LIN7C: variants seen among roughly 807,000 people sequenced by gnomAD.
LIN7C encodes the protein lin-7 cell polarity scaffold C.
Under a neutral mutation model 24.7 loss-of-function variants are expected in LIN7C, and 17 were observed. The observed-to-expected ratio is 0.69, with a 90% confidence interval of 0.47 to 1.03. The LOEUF is 1.03. Ranked by LOEUF, LIN7C falls within the 50% of genes least tolerant of loss-of-function variation. The probability of loss-of-function intolerance (pLI) is 0.00; values close to 1 mark genes in which losing one functional copy is unlikely to be tolerated. For missense variants in LIN7C, 204 were observed against 239.0 expected (o/e 0.85, Z 0.97); for synonymous variants, 90 against 83.4 (o/e 1.08, Z -0.43).
At chr11:27,501,457 A>G in intron 3 of LIN7C, 38 bp downstream of exon 3, 1 of 1,262,786 alleles carries the variant, frequency 7.9e-7, no homozygotes, top group Non-Finnish European at 1.1e-6. Context: ...CTTCTAATTT[A>G]TGAAGAATTC....
In LIN7C at chr11:27,497,380, A is replaced by T. The variant is rs559396871; in HGVS notation, c.*1269T>A. 6 of 152,684 alleles carry T rather than the reference A, an allele frequency of 3.9e-5. No individual in the cohort carries two copies. In the South Asian group the frequency reaches 1.2e-3, roughly 32 times the overall value. 9.5% of individuals were successfully genotyped at this position (152,684 alleles called of 1,614,324 possible). The stretch of plus-strand genomic sequence containing the variant: ...AATGTTCCTGTAAGTTGTAACAGAA[A>T]ATGAACCCCAACTCTTTCAGTCTTT... On this transcript the variant is annotated 3_prime_UTR_variant, in exon 5 of 5. Transcript: ENST00000278193.
rs955892689 is a variant in LIN7C at position 27,497,344 on chromosome 11, C to T, written c.*1305G>A. The T allele has an allele frequency of 6.6e-6, 1 of 152,482 alleles. No individual in the cohort carries two copies. The highest frequency in any genetic ancestry group is 1.5e-5 in the Non-Finnish European group (1 of 67,942). The allele number at this position is 152,482 out of a possible 1,614,324, so 9.4% of individuals were successfully genotyped here. A position where few individuals can be genotyped will look rare whatever the true frequency, so the allele number is the denominator to read the frequency against. On this transcript the variant is annotated 3_prime_UTR_variant, in exon 5 of 5. Coordinates refer to ENST00000278193, the MANE Select transcript of LIN7C (RefSeq NM_018362.4). Reference sequence around the variant, plus strand: ...TCTAACATTTGTCACTTAAATTTTTCTTAAAGTACAAATGTTCCTGTAAGT... The same window carrying T: ...TCTAACATTTGTCACTTAAATTTTTTTTAAAGTACAAATGTTCCTGTAAGT...
intron 3 of LIN7C, among the ~76,000 whole-genome samples, chr11:27,499,973 G>A (rs563103108): frequency 4.6e-5 from 7 of 152,256 alleles, no homozygotes; most frequent in South Asian, 2.1e-4. Context: ...TATTTTTGAC[G>A]TCTGAATGCT....
chr11:27,505,771 A>AT (rs202135456), intron 1 of LIN7C, among the ~76,000 whole-genome samples: 114 of 151,664 alleles, frequency 7.5e-4, no homozygotes, highest in East Asian at 1.7e-3. Context: ...CTACATATAC[A>AT]TTTTTTTTTA....
chr11:27,506,767 T>G lies in LIN7C; in HGVS notation c.-15A>C, dbSNP rs770930435. 3.1e-6 allele frequency: 5 copies of G among 1,599,870 alleles called. No homozygotes were observed. Among genetic ancestry groups the G allele is most frequent in the Non-Finnish European group, 4.3e-6 (5 of 1,168,168 alleles). ...AGCGCCGCCATCTTCTCCCTTAACC[T>G]ACAGACCCACAGGAAATGACGACAG... On this transcript the variant is annotated 5_prime_UTR_variant, in exon 1 of 5. Coordinates refer to ENST00000278193, the MANE Select transcript of LIN7C (RefSeq NM_018362.4).
chr11:27,496,222 A>G lies in LIN7C; in HGVS notation c.*2427T>C, dbSNP rs1865168642. On this transcript the variant is annotated 3_prime_UTR_variant, in exon 5 of 5. Coordinates refer to ENST00000278193, the MANE Select transcript of LIN7C (RefSeq NM_018362.4). ...AATAGGACCCAGGTATCAATTTTTT[A>G]AAGCTCTGCCAGGCTAATATGTAGC... 1 of 152,090 alleles carries G rather than the reference A, an allele frequency of 6.6e-6. No homozygotes were observed. Among genetic ancestry groups the G allele is most frequent in the Non-Finnish European group, 1.5e-5 (1 of 68,010 alleles). 9.4% of individuals were successfully genotyped at this position (152,090 alleles called of 1,614,324 possible). A position where few individuals can be genotyped will look rare whatever the true frequency, so the allele number is the denominator to read the frequency against.
At chr11:27,502,355 C>A (rs1177668122) in intron 1 of LIN7C, among the ~76,000 whole-genome samples, 1 of 152,076 alleles carries the variant, frequency 6.6e-6, no homozygotes, top group Non-Finnish European at 1.5e-5. Context: ...AAGCACTGAA[C>A]AGTACAAGGC....
chr11:27,496,679 A>G lies in LIN7C; in HGVS notation c.*1970T>C, dbSNP rs1250975375. 10 of 152,202 alleles carry G rather than the reference A, an allele frequency of 6.6e-5. No individual in the cohort carries two copies. The highest frequency in any genetic ancestry group is 6.5e-4 in the Admixed American group (10 of 15,286). The allele number at this position is 152,202 out of a possible 1,614,324, so 9.4% of individuals were successfully genotyped here. A position where few individuals can be genotyped will look rare whatever the true frequency, so the allele number is the denominator to read the frequency against. On this transcript the variant is annotated 3_prime_UTR_variant, in exon 5 of 5. Transcript: ENST00000278193. ...CGTAGGGAAAAAAATAGCTTACTCA[A>G]CTTACTAAAAGTTTCAACACCAAAA... is the stretch of plus-strand genomic sequence containing the variant.
chr11:27,502,437 G>A (rs979536210), intron 1 of LIN7C, among the ~76,000 whole-genome samples: 2 of 152,162 alleles, frequency 1.3e-5, no homozygotes, highest in Admixed American at 6.5e-5. Context: ...CCACTCGAGA[G>A]CAGATGCAGT....
In LIN7C at chr11:27,498,652, G is replaced by A. The variant is rs374296347; in HGVS notation, c.591C>T (p.Thr197=). The change falls in exon 5 of 5, where the codon ACC becomes ACT. Residue 197 remains threonine, a synonymous_variant. Coordinates refer to ENST00000278193, the MANE Select transcript of LIN7C (RefSeq NM_018362.4). ...KMRSAKRRQQ[T] is the part of the protein sequence containing the mutation. Reference sequence around the variant, plus strand: ...AAATATCAAGTTTTGAAATGTATTAGGTCTGTTGCCTGCGTTTTGCTGATC... The same window carrying A: ...AAATATCAAGTTTTGAAATGTATTAAGTCTGTTGCCTGCGTTTTGCTGATC... The A allele has an allele frequency of 3.1e-6, 5 of 1,613,406 alleles. No homozygotes were observed. In the East Asian group the frequency reaches 1.1e-4, roughly 36 times the overall value.
In LIN7C at chr11:27,498,617, A is replaced by G; in HGVS notation, c.*32T>C. The stretch of plus-strand genomic sequence containing the variant: ...CACAAGGAAAACTTCTCTAGCTAAA[A>G]CGCAAAATGAAATATCAAGTTTTGA... On this transcript the variant is annotated 3_prime_UTR_variant, in exon 5 of 5. Coordinates refer to ENST00000278193, the MANE Select transcript of LIN7C (RefSeq NM_018362.4). The G allele has an allele frequency of 6.3e-7, 1 of 1,597,156 alleles. No individual in the cohort carries two copies. Among genetic ancestry groups the G allele is most frequent in the Non-Finnish European group, 8.5e-7 (1 of 1,170,568 alleles).
Position 27,498,769 on chromosome 11 carries a change from T to C in LIN7C, c.474A>G (p.Glu158=). 1 of 1,614,048 alleles carries C rather than the reference T, an allele frequency of 6.2e-7. No individual in the cohort carries two copies. Among genetic ancestry groups the C allele is most frequent in the Non-Finnish European group, 8.5e-7 (1 of 1,179,964 alleles). Residue 158 remains glutamate, a synonymous_variant, in exon 5 of 5, where the codon GAA becomes GAG. Coordinates refer to ENST00000278193, the MANE Select transcript of LIN7C (RefSeq NM_018362.4). ...CCTTTCCTTGTGCGGCTTTCAGCAG[T>C]TCTACAGCTTTTTCATGATGTTCTC... The part of the protein sequence containing the change: ...VEGEHHEKAV[E]LLKAAQGKVK...
chr11:27,501,744 G>A (rs186658795), intron 2 of LIN7C, 58 bp downstream of exon 2: 1 of 1,082,514 alleles, frequency 9.2e-7, no homozygotes, highest in Non-Finnish European at 1.4e-6. Context: ...CCCAAATTTA[G>A]AGTATTATCT....
intron 4 of LIN7C, 30 bp from the exon 5 acceptor site, chr11:27,498,834 A>C (rs1186549735): frequency 6.3e-7 from 1 of 1,587,116 alleles, no homozygotes; most frequent in Non-Finnish European, 8.6e-7. Context: ...CCAACCATAC[A>C]CTAATATCTA....
intron 1 of LIN7C, among the ~76,000 whole-genome samples, chr11:27,503,628 C>T (rs901284738): frequency 6.6e-6 from 1 of 152,016 alleles, no homozygotes; most frequent in Non-Finnish European, 1.5e-5. Context: ...AGTCTCCTGC[C>T]TCAGCCTCCT....
rs551276218 is a variant in LIN7C at position 27,498,810 on chromosome 11, G to A, written c.439-6C>T. ...TGATGTTCTCCTTCAACACTCTAGG[G>A]GAAAAAAAAACAACCAACCATACAC... On this transcript the variant is annotated splice_polypyrimidine_tract_variant and splice_region_variant and intron_variant, in intron 4 of 4. Transcript: ENST00000278193. 3.6e-5 allele frequency: 58 copies of A among 1,603,144 alleles called. 1 individual carries two copies. The South Asian group carries it at 6.1e-4, about 17-fold the overall frequency.
Position 27,499,568 on chromosome 11 carries a change from C to G in LIN7C, c.229G>C (p.Ala77Pro). 1 of 1,612,822 alleles carries G rather than the reference C, an allele frequency of 6.2e-7. No individual in the cohort carries two copies. Residue 77 changes from alanine to proline, a missense_variant and splice_region_variant, in exon 4 of 5, where the codon GCT (alanine) becomes CCT (proline). Ala to Pro is a conservative substitution (Grantham distance 27, BLOSUM62 -1). Transcript: ENST00000278193. ...CTGGCAGCAAATGCAGCAACAGTAG[C>G]CTGAAAGAAAGTTTTACATATTAAA... The part of the protein sequence containing the change: ...PEVRANATAK[A>P]TVAAFAASEG...
chr11:27,501,050 C>A (rs1865219832), intron 3 of LIN7C, among the ~76,000 whole-genome samples: 1 of 152,136 alleles, frequency 6.6e-6, no homozygotes, highest in African/African-American at 2.4e-5. Flanking sequence ...AAGCAAAAAT[C>A]AACTCGGGGA....
Position 27,497,664 on chromosome 11 carries a change from G to C in LIN7C, c.*985C>G, listed in dbSNP as rs944487391. 1.3e-5 allele frequency: 2 copies of C among 152,026 alleles called. No individual in the cohort carries two copies. The highest frequency in any genetic ancestry group is 4.8e-5 in the African/African-American group (2 of 41,386). The allele number at this position is 152,026 out of a possible 1,614,324, so 9.4% of individuals were successfully genotyped here. ...ATTTAAAATCAATTATTTAAATTGA[G>C]CTAGTAAGAATGTCTACTCTTGAAG... On this transcript the variant is annotated 3_prime_UTR_variant, in exon 5 of 5. Coordinates refer to ENST00000278193, the MANE Select transcript of LIN7C (RefSeq NM_018362.4).
Sources: gnomAD v4.1 joint callset for allele counts (sites outside exome capture counted in the v4.1 genomes callset) on GRCh38, gnomAD v4.1.1 for gene constraint, MANE v1.5 for transcripts, NCBI Gene and HGNC (gene_info 2026-07-23, HGNC 2026-07-21) for gene names.